The following SEMA3A variants were observed in gnomAD, a reference collection of about 807,000 sequenced individuals.
SEMA3A encodes semaphorin-3A.
SEMA3A carries 29 observed loss-of-function variants against 97.9 expected under a neutral mutation model. The ratio of observed to expected loss-of-function variants is 0.30; its 90% confidence interval spans 0.22 to 0.40. The LOEUF is 0.40. SEMA3A is among the 10% of genes least tolerant of loss of function. The pLI is 1.00. For synonymous variants in SEMA3A, 321 were observed against 323.7 expected, an observed-to-expected ratio of 0.99 and a Z score of 0.09; for missense variants, 763 against 951.3, an observed-to-expected ratio of 0.80 and a Z score of 2.60.
At chr7:84,120,123 C>T (rs954158652) in intron 3 of SEMA3A, among the ~76,000 whole-genome samples, 1 of 151,230 alleles carries the variant, frequency 6.6e-6, no homozygotes, top group African/African-American at 2.4e-5. Context: ...AATTAAAATG[C>T]ATTTAAATTT....
intron 2 of SEMA3A, among the ~76,000 whole-genome samples, chr7:84,347,162 T>C (rs1228851861): frequency 6.6e-6 from 1 of 152,142 alleles, no homozygotes; most frequent in African/African-American, 2.4e-5. Context: ...GATTGCCTCA[T>C]ACCCAGGGAA....
At chr7:84,316,361 T>G (rs1464528460) in intron 2 of SEMA3A, among the ~76,000 whole-genome samples, 5 of 151,856 alleles carry the variant, frequency 3.3e-5, no homozygotes, top group Non-Finnish European at 4.4e-5. Context: ...GGAAATAAAT[T>G]AGTTAATATT....
intron 4 of SEMA3A, among the ~76,000 whole-genome samples, chr7:84,072,826 A>G (rs1454791077): frequency 6.6e-6 from 1 of 152,166 alleles, no homozygotes; most frequent in Non-Finnish European, 1.5e-5. Flanking sequence ...ACATTGCCTT[A>G]AAACTTCATG....
At chr7:84,262,098 C>CT (rs34361946) in intron 3 of SEMA3A, among the ~76,000 whole-genome samples, 149 of 149,976 alleles carry the variant, frequency 9.9e-4, no homozygotes, top group African/African-American at 9.7e-4. Context: ...TTTAATGACA[C>CT]TTTTTTTTTT....
At chr7:84,001,905 G>T in intron 12 of SEMA3A, 50 bp downstream of exon 12, 1 of 1,286,650 alleles carries the variant, frequency 7.8e-7, no homozygotes, top group Non-Finnish European at 1.1e-6. Context: ...TGTCCTGGGG[G>T]AAAGACGTAC....
At chr7:84,062,524 C>A (rs1002537575) in intron 4 of SEMA3A, among the ~76,000 whole-genome samples, 1 of 152,148 alleles carries the variant, frequency 6.6e-6, no homozygotes, top group Non-Finnish European at 1.5e-5. Context: ...CACCTCACTA[C>A]GGAGTGCGAG....
chr7:83,982,462 AAC>A (rs1043000289), intron 13 of SEMA3A, among the ~76,000 whole-genome samples: 4 of 152,200 alleles, frequency 2.6e-5, no homozygotes, highest in East Asian at 1.9e-4. Context: ...AATTTATTTA[AAC>A]ACAAAATGAA....
chr7:84,201,413 T>C (rs1798353555), intron 3 of SEMA3A, among the ~76,000 whole-genome samples: 1 of 152,104 alleles, frequency 6.6e-6, no homozygotes, highest in Non-Finnish European at 1.5e-5. Flanking sequence ...TTTCTGTAAG[T>C]TGCAATAGTT....
chr7:84,175,044 C>T (rs546348907), intron 1 of SEMA3A, among the ~76,000 whole-genome samples: 36 of 152,098 alleles, frequency 2.4e-4, no homozygotes, highest in Admixed American at 5.9e-4. Context: ...AGCCTTTGAA[C>T]GAGAGTCTCT....
At chr7:84,296,780 T>A (rs530359745) in intron 3 of SEMA3A, among the ~76,000 whole-genome samples, 3 of 152,142 alleles carry the variant, frequency 2.0e-5, no homozygotes, top group Admixed American at 1.3e-4. Flanking sequence ...TTCTACAAGA[T>A]GTTAAGGGAA....
At chr7:84,363,628 C>G (rs566436918) in intron 2 of SEMA3A, among the ~76,000 whole-genome samples, 11 of 151,966 alleles carry the variant, frequency 7.2e-5, no homozygotes, top group African/African-American at 2.7e-4. Flanking sequence ...TTGTGAATGG[C>G]TTCAGTACAA....
intron 1 of SEMA3A, among the ~76,000 whole-genome samples, chr7:84,409,610 C>A (rs889291156): frequency 1.3e-5 from 2 of 151,990 alleles, no homozygotes; most frequent in Admixed American, 1.3e-4. Context: ...ACGTATTTAA[C>A]CATCCATAGA....
chr7:84,055,738 A>G (rs1474868525), intron 5 of SEMA3A, among the ~76,000 whole-genome samples: 1 of 151,892 alleles, frequency 6.6e-6, no homozygotes, highest in East Asian at 1.9e-4. Context: ...CCCAAATTAT[A>G]TGTTGATTCT....
chr7:84,313,167 T>C (rs1801387277), intron 2 of SEMA3A, among the ~76,000 whole-genome samples: 1 of 145,198 alleles, frequency 6.9e-6, no homozygotes, highest in African/African-American at 2.5e-5. Context: ...ATAGTGAAAT[T>C]ATTGGAAAGA....
chr7:84,084,772 T>G (rs1215155516), intron 4 of SEMA3A, among the ~76,000 whole-genome samples: 1 of 152,108 alleles, frequency 6.6e-6, no homozygotes, highest in African/African-American at 2.4e-5. Context: ...TTTATAGAGC[T>G]TCTTATTTTG....
intron 1 of SEMA3A, among the ~76,000 whole-genome samples, chr7:84,418,917 A>ATACACATATATATATACATATATC (rs1452319246): frequency 6.6e-6 from 1 of 150,850 alleles, no homozygotes; most frequent in African/African-American, 2.5e-5. Context: ...ATACACATAA[A>ATACACATATATATATACATATATC]TACACATATA....
chr7:84,030,444 A>AT, intron 6 of SEMA3A, among the ~76,000 whole-genome samples: 1 of 152,204 alleles, frequency 6.6e-6, no homozygotes, highest in Admixed American at 6.5e-5. Flanking sequence ...TGTGTGATTT[A>AT]TTTTTTTAAA....
intron 3 of SEMA3A, among the ~76,000 whole-genome samples, chr7:84,243,726 G>C (rs535325371): frequency 6.6e-6 from 1 of 150,964 alleles, no homozygotes; most frequent in South Asian, 2.1e-4. Context: ...CCATTCTCCT[G>C]TGGGCATTTA....
intron 6 of SEMA3A, among the ~76,000 whole-genome samples, chr7:84,028,810 G>A (rs953053090): frequency 3.9e-5 from 6 of 151,902 alleles, no homozygotes; most frequent in African/African-American, 1.5e-4. Flanking sequence ...TAGTAGAGAC[G>A]GGGTTTCACC....
Sources: allele counts gnomAD v4.1 joint callset (sites outside exome capture counted in the v4.1 genomes callset), GRCh38; gene constraint gnomAD v4.1.1; transcripts MANE v1.5; gene names NCBI Gene and HGNC (gene_info 2026-07-23, HGNC 2026-07-21).